MYRIP: variants seen among roughly 807,000 people sequenced by gnomAD.
MYRIP encodes rab effector MyRIP.
A neutral mutation model predicts 98.0 loss-of-function variants in MYRIP; 49 were observed. The ratio of observed to expected loss-of-function variants is 0.50; its 90% confidence interval spans 0.40 to 0.63. The LOEUF is 0.63. Among genes scored for constraint, MYRIP ranks in the 30% least tolerant of loss-of-function variants. The probability of loss-of-function intolerance (pLI) is 0.00; values close to 1 mark genes in which losing one functional copy is unlikely to be tolerated. For missense variants in MYRIP, 1,004 were observed against 1,058.2 expected (o/e 0.95, Z 0.71); for synonymous variants, 404 against 409.5 (o/e 0.99, Z 0.16).
At chr3:39,951,988 T>C (rs532456654) in intron 2 of MYRIP, among the ~76,000 whole-genome samples, 2 of 152,300 alleles carry the variant, frequency 1.3e-5, no homozygotes, top group South Asian at 4.1e-4. Context: ...TATGCAATCA[T>C]CACCACAATC....
rs72868123 is a variant in MYRIP, at chr3:39,861,881, A to G, written c.-30-38906A>G. Reference sequence around the variant, plus strand: ...ATCTACAACTCATTGATGTCCCTGAAAAAGAGAGAGAAAGCAAGCAACTTG... The same window carrying G: ...ATCTACAACTCATTGATGTCCCTGAGAAAGAGAGAGAAAGCAAGCAACTTG... On this transcript the variant is annotated intron_variant, in intron 1 of 16. Coordinates refer to ENST00000302541, the MANE Select transcript of MYRIP (RefSeq NM_015460.4). Among the ~76,000 whole-genome samples, 368 of 152,304 alleles carry G rather than the reference A, an allele frequency of 2.4e-3. 1 individual carries two copies. Among genetic ancestry groups the G allele is most frequent in the African/African-American group, 8.4e-3 (350 of 41,568 alleles).
intron 3 of MYRIP, among the ~76,000 whole-genome samples, chr3:40,059,819 A>G: frequency 6.6e-6 from 1 of 152,190 alleles, no homozygotes; most frequent in East Asian, 1.9e-4. Context: ...GGCCAGATCA[A>G]CATTCCATCC....
chr3:40,245,384 T>G (rs759502305), intron 13 of MYRIP, among the ~76,000 whole-genome samples: 12 of 151,764 alleles, frequency 7.9e-5, no homozygotes, highest in Non-Finnish European at 1.6e-4. Flanking sequence ...GCATAGTGGC[T>G]CACGCCTGTA....
At chr3:39,979,006 G>C (rs1945819946) in intron 2 of MYRIP, among the ~76,000 whole-genome samples, 1 of 152,132 alleles carries the variant, frequency 6.6e-6, no homozygotes, top group African/African-American at 2.4e-5. Flanking sequence ...AAGCCCATCT[G>C]TAGAAATGCT....
At chr3:39,931,433 C>T (rs1473395505) in intron 2 of MYRIP, among the ~76,000 whole-genome samples, 1 of 151,470 alleles carries the variant, frequency 6.6e-6, no homozygotes, top group Non-Finnish European at 1.5e-5. Flanking sequence ...TTATGGACTC[C>T]TTAAGATTTT....
intron 3 of MYRIP, among the ~76,000 whole-genome samples, chr3:40,126,654 C>T (rs1020910025): frequency 4.6e-5 from 7 of 152,140 alleles, no homozygotes; most frequent in Admixed American, 4.6e-4. Flanking sequence ...TAACCTACAA[C>T]CAAATTTGAA....
intron 3 of MYRIP, among the ~76,000 whole-genome samples, chr3:40,064,943 C>G (rs1948095550): frequency 6.6e-6 from 1 of 152,140 alleles, no homozygotes; most frequent in Non-Finnish European, 1.5e-5. Context: ...AGTAATAACC[C>G]ACAAACTTCC....
chr3:40,044,770 AG>A lies in MYRIP; in HGVS notation c.332+500del, dbSNP rs1467762794. Among the ~76,000 whole-genome samples the A allele has an allele frequency of 2.0e-5, 3 of 152,154 alleles. No individual in the cohort carries two copies. The East Asian group carries it at 5.8e-4, about 29-fold the overall frequency. On this transcript the variant is annotated intron_variant, in intron 3 of 16. Transcript: ENST00000302541. Reference sequence around the variant, plus strand: ...GGCTATGAGGGCACTGAGCAAGGAGAGACTGGCCCTAGGGCTTGGAGAAAGC... The same window carrying A: ...GGCTATGAGGGCACTGAGCAAGGAGAACTGGCCCTAGGGCTTGGAGAAAGC...
At chr3:39,863,841 A>G (rs1434796919) in intron 1 of MYRIP, among the ~76,000 whole-genome samples, 1 of 152,060 alleles carries the variant, frequency 6.6e-6, no homozygotes, top group Non-Finnish European at 1.5e-5. Flanking sequence ...GGGACACAAC[A>G]ACAACAACAA....
intron 2 of MYRIP, among the ~76,000 whole-genome samples, chr3:39,967,201 C>T (rs960791813): frequency 5.9e-5 from 9 of 152,038 alleles, no homozygotes; most frequent in South Asian, 2.1e-4. Flanking sequence ...AGGTATTAAG[C>T]CCAGTACCCA....
intron 11 of MYRIP, among the ~76,000 whole-genome samples, chr3:40,232,016 G>A (rs1952675037): frequency 6.6e-6 from 1 of 152,304 alleles, no homozygotes; most frequent in Admixed American, 6.5e-5. Flanking sequence ...ACAAGGTCCT[G>A]AAAAGTGGGG....
rs891695005 is a variant in MYRIP at position 40,007,356 on chromosome 3, C to A, written c.111-36694C>A. On this transcript the variant is annotated intron_variant, in intron 2 of 16. Coordinates refer to ENST00000302541, the MANE Select transcript of MYRIP (RefSeq NM_015460.4). ...TTAAATATATGTTAAAAAAAAAAAA[C>A]CACACATGGAGAATCCTTTCTAAAA... 7.5e-5 allele frequency among the ~76,000 whole-genome samples: 11 copies of A among 146,522 alleles called. 1 individual carries two copies. Among genetic ancestry groups the A allele is most frequent in the South Asian group, 2.1e-4 (1 of 4,694 alleles).
intron 2 of MYRIP, among the ~76,000 whole-genome samples, chr3:39,984,425 G>A (rs1487017149): frequency 6.6e-6 from 1 of 150,860 alleles, no homozygotes; most frequent in Non-Finnish European, 1.5e-5. Context: ...CCCTTCCTGT[G>A]TCCATGTGTT....
In MYRIP at chr3:39,895,494, G is replaced by T. The variant is rs184745664; in HGVS notation, c.-30-5293G>T. ...GAGCCACTGTGCCCGGCCAATTGTT[G>T]CTTGCCTTTTAATTTTATCCATATA... On this transcript the variant is annotated intron_variant, in intron 1 of 16. Transcript: ENST00000302541. Among the ~76,000 whole-genome samples the T allele has an allele frequency of 6.0e-5, 9 of 150,892 alleles. No individual in the cohort carries two copies. In the East Asian group the frequency reaches 1.8e-3, roughly 29 times the overall value.
intron 10 of MYRIP, among the ~76,000 whole-genome samples, chr3:40,208,806 C>T (rs1951846215): frequency 6.6e-6 from 1 of 152,134 alleles, no homozygotes; most frequent in Non-Finnish European, 1.5e-5. Context: ...TTCCCTTCCC[C>T]ACATCCCAGC....
intron 9 of MYRIP, among the ~76,000 whole-genome samples, chr3:40,183,440 A>T (rs1162720038): frequency 6.6e-6 from 1 of 152,182 alleles, no homozygotes; most frequent in African/African-American, 2.4e-5. Context: ...GTGGTCCTTT[A>T]TAAAGCTGTT....
At chr3:39,954,465 G>A (rs1291929220) in intron 2 of MYRIP, among the ~76,000 whole-genome samples, 1 of 152,142 alleles carries the variant, frequency 6.6e-6, no homozygotes, top group Non-Finnish European at 1.5e-5. Flanking sequence ...CTGACTGTTA[G>A]AAGGAAAACT....
At chr3:39,862,009 A>G (rs1215036622) in intron 1 of MYRIP, among the ~76,000 whole-genome samples, 1 of 152,168 alleles carries the variant, frequency 6.6e-6, no homozygotes, top group Non-Finnish European at 1.5e-5. Flanking sequence ...GAAATACCAC[A>G]CAAGAAGGCC....
At chr3:39,886,296 C>A (rs59506836) in intron 1 of MYRIP, among the ~76,000 whole-genome samples, 3,142 of 151,150 alleles carry the variant, frequency 0.021, 95 homozygotes, top group African/African-American at 0.07. Context: ...AGCAAACTAA[C>A]CAGCTAACAT....
Sources: gnomAD v4.1 joint callset for allele counts (sites outside exome capture counted in the v4.1 genomes callset) on GRCh38, gnomAD v4.1.1 for gene constraint, MANE v1.5 for transcripts, NCBI Gene and HGNC (gene_info 2026-07-23, HGNC 2026-07-21) for gene names.